KCNH1: variants seen among roughly 807,000 people sequenced by gnomAD.
KCNH1 encodes voltage-gated delayed rectifier potassium channel KCNH1.
Under a neutral mutation model 69.2 loss-of-function variants are expected in KCNH1, and 27 were observed. That is an observed-to-expected ratio of 0.39 (90% CI 0.29 to 0.54). KCNH1 has a LOEUF of 0.54. Among genes scored for constraint, KCNH1 ranks in the 20% least tolerant of loss-of-function variants. The probability of loss-of-function intolerance (pLI) is 0.68; values close to 1 mark genes in which losing one functional copy is unlikely to be tolerated. For missense variants in KCNH1, 798 were observed against 1,261.6 expected (o/e 0.63, Z 5.57); for synonymous variants, 456 against 487.7 (o/e 0.93, Z 0.86).
intron 7 of KCNH1, among the ~76,000 whole-genome samples, chr1:210,856,024 A>C (rs994040727): frequency 1.3e-5 from 2 of 152,138 alleles, no homozygotes; most frequent in Admixed American, 1.3e-4. Flanking sequence ...CTTGCTGTAT[A>C]TGTTACTTTG....
chr1:210,783,940 AAAG>A (rs1300070625), intron 9 of KCNH1, among the ~76,000 whole-genome samples: 2 of 152,218 alleles, frequency 1.3e-5, no homozygotes, highest in Non-Finnish European at 2.9e-5. Context: ...GCTCTAAGAA[AAAG>A]CATGAGCTTC....
intron 6 of KCNH1, among the ~76,000 whole-genome samples, chr1:210,954,845 G>T (rs1449011226): frequency 7.9e-5 from 12 of 152,186 alleles, no homozygotes; most frequent in Admixed American, 6.5e-4. Flanking sequence ...CTCCCATTCT[G>T]TAGGTTGCCT....
chr1:211,109,789 G>A (rs562725965), intron 1 of KCNH1, among the ~76,000 whole-genome samples: 14 of 151,578 alleles, frequency 9.2e-5, no homozygotes, highest in African/African-American at 3.4e-4. Flanking sequence ...GGAAGAAGCA[G>A]CAATATTATA....
At chr1:210,930,140 C>A (rs12128894) in intron 6 of KCNH1, among the ~76,000 whole-genome samples, 6,483 of 152,170 alleles carry the variant, frequency 0.043, 310 homozygotes, top group East Asian at 0.25. Flanking sequence ...CAATTCCCAT[C>A]AAAATACCAC....
At chr1:210,859,712 C>T in intron 7 of KCNH1, 1 of 1,213,356 alleles carries the variant, frequency 8.2e-7, no homozygotes, top group South Asian at 1.2e-5. Flanking sequence ...AAAATCTGTC[C>T]AGAAACCTGA....
intron 10 of KCNH1, among the ~76,000 whole-genome samples, chr1:210,723,410 G>A (rs1934619): frequency 0.19 from 29,144 of 151,926 alleles, 3,502 homozygotes; most frequent in Non-Finnish European, 0.28. Flanking sequence ...CTACTACTTA[G>A]ATCCAGCCAC....
chr1:210,698,197 C>A (rs1295742820), intron 10 of KCNH1, among the ~76,000 whole-genome samples: 1 of 152,144 alleles, frequency 6.6e-6, no homozygotes, highest in African/African-American at 2.4e-5. Flanking sequence ...AGCTACCCAG[C>A]CCACAGACTT....
chr1:210,704,744 G>A (rs1057130368), intron 10 of KCNH1, among the ~76,000 whole-genome samples: 1 of 152,174 alleles, frequency 6.6e-6, no homozygotes, highest in Non-Finnish European at 1.5e-5. Context: ...AGCCAAACCT[G>A]TATCTAATCA....
chr1:210,740,332 C>A (rs539192921), intron 10 of KCNH1, among the ~76,000 whole-genome samples: 1 of 152,212 alleles, frequency 6.6e-6, no homozygotes, highest in East Asian at 1.9e-4. Flanking sequence ...TCTTTTCATT[C>A]CCTCCTATCT....
intron 1 of KCNH1, among the ~76,000 whole-genome samples, chr1:211,120,190 A>ATT (rs112118539): frequency 9.5e-4 from 134 of 141,330 alleles, no homozygotes; most frequent in African/African-American, 2.6e-3. Flanking sequence ...ATATATATAC[A>ATT]TTTTTTTTTT....
intron 9 of KCNH1, among the ~76,000 whole-genome samples, chr1:210,787,954 T>C (rs1684134947): frequency 6.6e-6 from 1 of 152,174 alleles, no homozygotes; most frequent in Admixed American, 6.5e-5. Flanking sequence ...CCATAAATGG[T>C]TAAGTTAAAG....
intron 10 of KCNH1, among the ~76,000 whole-genome samples, chr1:210,687,053 A>T (rs1213161533): frequency 6.6e-6 from 1 of 152,226 alleles, no homozygotes; most frequent in Non-Finnish European, 1.5e-5. Context: ...AGTCAATGTT[A>T]TAAAAAGCAG....
chr1:210,742,630 A>C (rs1683058932), intron 10 of KCNH1, among the ~76,000 whole-genome samples: 1 of 152,206 alleles, frequency 6.6e-6, no homozygotes, highest in Non-Finnish European at 1.5e-5. Context: ...GAAAAGAATG[A>C]TAAATTCAAA....
intron 5 of KCNH1, among the ~76,000 whole-genome samples, chr1:211,069,892 T>C (rs1262737899): frequency 2.0e-5 from 3 of 152,216 alleles, no homozygotes; most frequent in Non-Finnish European, 2.9e-5. Context: ...AGTGATAAAA[T>C]AGGCTATTTT....
intron 7 of KCNH1, among the ~76,000 whole-genome samples, chr1:210,884,604 T>C (rs1266734363): frequency 6.6e-6 from 1 of 152,318 alleles, no homozygotes; most frequent in East Asian, 1.9e-4. Flanking sequence ...CATGTACTTT[T>C]GGTGAGAGAA....
intron 7 of KCNH1, among the ~76,000 whole-genome samples, chr1:210,874,620 G>T (rs1056457894): frequency 6.6e-6 from 1 of 152,114 alleles, no homozygotes; most frequent in African/African-American, 2.4e-5. Context: ...TAGTAGTTTT[G>T]CACAGCACTG....
chr1:210,821,293 T>C (rs1463011481), intron 7 of KCNH1, among the ~76,000 whole-genome samples: 3 of 152,192 alleles, frequency 2.0e-5, no homozygotes, highest in Admixed American at 6.5e-5. Flanking sequence ...TATCACCATT[T>C]AGTCCATAGC....
chr1:210,954,913 C>A (rs1688138879), intron 6 of KCNH1, among the ~76,000 whole-genome samples: 1 of 152,140 alleles, frequency 6.6e-6, no homozygotes, highest in Admixed American at 6.6e-5. Flanking sequence ...TAATTAGATC[C>A]CATTTGTGAA....
chr1:211,005,113 C>G (rs1262021485), intron 6 of KCNH1, among the ~76,000 whole-genome samples: 1 of 151,952 alleles, frequency 6.6e-6, no homozygotes, highest in Admixed American at 6.6e-5. Context: ...ACATATCTTA[C>G]AGACATTAAA....
Sources: gnomAD v4.1 joint callset for allele counts (sites outside exome capture counted in the v4.1 genomes callset) on GRCh38, gnomAD v4.1.1 for gene constraint, MANE v1.5 for transcripts, NCBI Gene and HGNC (gene_info 2026-07-23, HGNC 2026-07-21) for gene names.